PRKAA2: variants seen among roughly 807,000 people sequenced by gnomAD.
PRKAA2 encodes protein kinase AMP-activated catalytic subunit alpha 2, also known as 5'-AMP-activated protein kinase catalytic subunit alpha-2.
PRKAA2 carries 40 observed loss-of-function variants against 56.3 expected under a neutral mutation model. That is an observed-to-expected ratio of 0.71 (90% CI 0.55 to 0.92). The LOEUF (loss-of-function observed/expected upper bound fraction) is 0.92, where lower values mean the gene tolerates loss of function less well. PRKAA2 is among the 40% of genes least tolerant of loss of function. PRKAA2 has a pLI of 0.00. For synonymous variants in PRKAA2, 214 were observed against 234.2 expected, an observed-to-expected ratio of 0.91 and a Z score of 0.79; for missense variants, 542 against 686.9, an observed-to-expected ratio of 0.79 and a Z score of 2.36.
At chr1:56,680,490 T>A (rs1392575472) in intron 2 of PRKAA2, among the ~76,000 whole-genome samples, 1 of 152,198 alleles carries the variant, frequency 6.6e-6, no homozygotes, top group Non-Finnish European at 1.5e-5. Context: ...GTATATCTCC[T>A]AATGCTATCC....
chr1:56,692,559 C>T, intron 4 of PRKAA2, 57 bp downstream of exon 4: 2 of 1,529,336 alleles, frequency 1.3e-6, no homozygotes, highest in Non-Finnish European at 1.8e-6. Context: ...AGCATAACAA[C>T]TCATTGAACT....
At chr1:56,693,164 A>G (rs1644239666) in intron 4 of PRKAA2, among the ~76,000 whole-genome samples, 1 of 152,114 alleles carries the variant, frequency 6.6e-6, no homozygotes, top group Non-Finnish European at 1.5e-5. Flanking sequence ...TGTGGTCTAT[A>G]CCTTGTCTTT....
chr1:56,665,597 C>G (rs2796517), intron 1 of PRKAA2, among the ~76,000 whole-genome samples: 85,744 of 151,902 alleles, frequency 0.56, 24,748 homozygotes, highest in East Asian at 0.83. Flanking sequence ...TAGTAGTTAC[C>G]CATTTTGCAT....
At chr1:56,659,894 A>C (rs1457756331) in intron 1 of PRKAA2, among the ~76,000 whole-genome samples, 1 of 152,170 alleles carries the variant, frequency 6.6e-6, no homozygotes, top group South Asian at 2.1e-4. Context: ...TGTGACAAAG[A>C]GAGACCCTGT....
rs1414298005 is a variant in PRKAA2 at position 56,712,984 on chromosome 1, C to T, written c.*5271C>T. ...GATTTTTCATTTTGTATGTATATTA[C>T]ATGATATAACTATTTTCATAGAATA... On this transcript the variant is annotated 3_prime_UTR_variant, in exon 9 of 9. Coordinates refer to ENST00000371244, the MANE Select transcript of PRKAA2 (RefSeq NM_006252.4). 6.6e-6 allele frequency: 1 copy of T among 152,136 alleles called. No individual in the cohort carries two copies. The highest frequency in any genetic ancestry group is 1.5e-5 in the Non-Finnish European group (1 of 68,024). 9.4% of individuals were successfully genotyped at this position (152,136 alleles called of 1,614,324 possible).
At chr1:56,687,174 G>T (rs1369687221) in intron 2 of PRKAA2, among the ~76,000 whole-genome samples, 1 of 151,942 alleles carries the variant, frequency 6.6e-6, no homozygotes. Flanking sequence ...ATGAGCCACC[G>T]CACCTGGCCA....
intron 1 of PRKAA2, among the ~76,000 whole-genome samples, chr1:56,652,372 G>A (rs1001034561): frequency 6.6e-6 from 1 of 151,362 alleles, no homozygotes; most frequent in African/African-American, 2.4e-5. Context: ...AGCCAGGATG[G>A]TCTTGCTCTC....
Position 56,715,050 on chromosome 1 carries a change from G to A in PRKAA2, c.*7337G>A, listed in dbSNP as rs901301931. The A allele has an allele frequency of 6.6e-6, 1 of 151,842 alleles. No individual in the cohort carries two copies. The highest frequency in any genetic ancestry group is 2.4e-5 in the African/African-American group (1 of 41,358). 9.4% of individuals were successfully genotyped at this position (151,842 alleles called of 1,614,324 possible). On this transcript the variant is annotated 3_prime_UTR_variant, in exon 9 of 9. Coordinates refer to ENST00000371244, the MANE Select transcript of PRKAA2 (RefSeq NM_006252.4). ...AGAAAAAAAAATGAACAGACTTCCA[G>A]TGCTTTTCTGTTCAAATAAACTCCG...
At chr1:56,687,535 ATTAAT>A (rs1206579941) in intron 2 of PRKAA2, among the ~76,000 whole-genome samples, 1 of 152,142 alleles carries the variant, frequency 6.6e-6, no homozygotes, top group Non-Finnish European at 1.5e-5. Flanking sequence ...GGATCCCTAT[ATTAAT>A]TAGTTGGAAG....
intron 1 of PRKAA2, among the ~76,000 whole-genome samples, chr1:56,646,426 C>T (rs761331838): frequency 2.4e-4 from 36 of 152,168 alleles, no homozygotes; most frequent in South Asian, 1.0e-3. Context: ...GATAGGATCC[C>T]CTTTTGAATG....
chr1:56,655,280 A>ATT (rs1207874046), intron 1 of PRKAA2, among the ~76,000 whole-genome samples: 3 of 93,678 alleles, frequency 3.2e-5, no homozygotes, highest in Non-Finnish European at 5.8e-5. Context: ...ATATATATAT[A>ATT]TTTTTTTTTT....
chr1:56,673,625 G>GA (rs962746891), intron 1 of PRKAA2, among the ~76,000 whole-genome samples: 5 of 152,206 alleles, frequency 3.3e-5, no homozygotes, highest in Admixed American at 2.0e-4. Flanking sequence ...TGTGTTATAT[G>GA]AAAAAACAGA....
At chr1:56,685,970 CAT>C (rs1372696768) in intron 2 of PRKAA2, among the ~76,000 whole-genome samples, 1 of 152,118 alleles carries the variant, frequency 6.6e-6, no homozygotes, top group Non-Finnish European at 1.5e-5. Context: ...TGCATACACA[CAT>C]ATATTTTTAA....
chr1:56,691,473 T>G lies in PRKAA2; in HGVS notation c.316T>G (p.Cys106Gly). Residue 106 changes from cysteine (C) to glycine (G), a missense_variant, in exon 3 of 9, where the codon TGT (cysteine) becomes GGT (glycine). Physicochemically the swap from Cys to Gly is radical, Grantham distance 159. This residue lies in a region of PRKAA2 where 121 missense variants were observed against 210.0 expected (regional missense o/e 0.58). Coordinates refer to ENST00000371244, the MANE Select transcript of PRKAA2 (RefSeq NM_006252.4). ...TGGAGGTGAATTATTTGACTACATC[T>G]GTAAGCATGGACGGGTGAGTAACAT... Reference protein sequence around the residue: ...VSGGELFDYICKHGRVEEMEA... With the variant: ...VSGGELFDYIGKHGRVEEMEA... 1 of 1,609,222 alleles carries G rather than the reference T, an allele frequency of 6.2e-7. No individual in the cohort carries two copies. Among genetic ancestry groups the G allele is most frequent in the Non-Finnish European group, 8.5e-7 (1 of 1,175,996 alleles).
In PRKAA2 at chr1:56,710,402, T is replaced by C. The variant is rs1644362101; in HGVS notation, c.*2689T>C. On this transcript the variant is annotated 3_prime_UTR_variant, in exon 9 of 9. Coordinates refer to ENST00000371244, the MANE Select transcript of PRKAA2 (RefSeq NM_006252.4). ...AGCATTAAAGACTTTGACAGGTCTT[T>C]CTGTGAAAAAAAGAAAGCCACATAA... is the stretch of plus-strand genomic sequence containing the variant. 1 of 152,120 alleles carries C rather than the reference T, an allele frequency of 6.6e-6. No homozygotes were observed. The highest frequency in any genetic ancestry group is 2.4e-5 in the African/African-American group (1 of 41,448). The allele number at this position is 152,120 out of a possible 1,614,324, so 9.4% of individuals were successfully genotyped here.
rs575207028 is a variant in PRKAA2 at position 56,713,340 on chromosome 1, A to G, written c.*5627A>G. On this transcript the variant is annotated 3_prime_UTR_variant, in exon 9 of 9. Coordinates refer to ENST00000371244, the MANE Select transcript of PRKAA2 (RefSeq NM_006252.4). ...ATTTTGCAAGCTAATGTTAATGTTT[A>G]CTGCCAGCCTTGCATAGCAATGCCA... 6.6e-6 allele frequency: 1 copy of G among 152,324 alleles called. No individual in the cohort carries two copies. The highest frequency in any genetic ancestry group is 2.1e-4 in the South Asian group (1 of 4,824). 9.4% of individuals were successfully genotyped at this position (152,324 alleles called of 1,614,324 possible).
rs952347886 is a variant in PRKAA2 at position 56,712,919 on chromosome 1, A to G, written c.*5206A>G. 2.0e-5 allele frequency: 3 copies of G among 152,210 alleles called. No individual in the cohort carries two copies. Among genetic ancestry groups the G allele is most frequent in the Admixed American group, 6.5e-5 (1 of 15,268 alleles). The allele number at this position is 152,210 out of a possible 1,614,324, so 9.4% of individuals were successfully genotyped here. A position where few individuals can be genotyped will look rare whatever the true frequency, so the allele number is the denominator to read the frequency against. On this transcript the variant is annotated 3_prime_UTR_variant, in exon 9 of 9. Transcript: ENST00000371244. ...GTCTAAATTGTTATAGTTTTTGACTATTATCTGAATTAGTCTTATCCAAAT... is the reference window on the plus strand; with the variant it reads ...GTCTAAATTGTTATAGTTTTTGACTGTTATCTGAATTAGTCTTATCCAAAT...
At chr1:56,652,232 C>T (rs577831532) in intron 1 of PRKAA2, among the ~76,000 whole-genome samples, 2 of 151,838 alleles carry the variant, frequency 1.3e-5, no homozygotes, top group South Asian at 4.2e-4. Flanking sequence ...AGGATGGTCT[C>T]GATCTCCTGA....
Position 56,704,487 on chromosome 1 carries a change from T to TA in PRKAA2, c.1293+14dup, listed in dbSNP as rs1644318388. ...ATTTTGAATGGAAGGTAGGAAATTA[T>TA]AATGTAATAAGATCATTTGTAGAAG... On this transcript the variant is annotated intron_variant, in intron 7 of 8. Transcript: ENST00000371244. The TA allele has an allele frequency of 1.9e-6, 3 of 1,573,262 alleles. No homozygotes were observed. In the Admixed American group the frequency reaches 5.4e-5, roughly 28 times the overall value.
Sources: allele counts gnomAD v4.1 joint callset (sites outside exome capture counted in the v4.1 genomes callset), GRCh38; gene constraint gnomAD v4.1.1; regional missense constraint gnomAD v4.1.1; transcripts MANE v1.5; gene names NCBI Gene and HGNC (gene_info 2026-07-23, HGNC 2026-07-21).